TIAM1: variants seen among roughly 807,000 people sequenced by gnomAD.
TIAM1 encodes rho guanine nucleotide exchange factor TIAM1.
In TIAM1, 65 loss-of-function variants were observed where a neutral mutation model predicts 163.5. The observed-to-expected ratio is 0.40, with a 90% CI of 0.33 to 0.49. The LOEUF (loss-of-function observed/expected upper bound fraction) is 0.49. Among genes scored for constraint, TIAM1 ranks in the 20% least tolerant of loss-of-function variants. The pLI is 0.77. For synonymous variants in TIAM1, 833 were observed against 810.1 expected, an observed-to-expected ratio of 1.03 and a Z score of -0.48; for missense variants, 1,789 against 2,044.7, an observed-to-expected ratio of 0.87 and a Z score of 2.41.
At chr21:31,434,181 T>C (rs1427813510) in intron 2 of TIAM1, among the ~76,000 whole-genome samples, 1 of 152,132 alleles carries the variant, frequency 6.6e-6, no homozygotes, top group Non-Finnish European at 1.5e-5. Flanking sequence ...AACTTCTACA[T>C]CCAGCTAAGA....
chr21:31,481,386 G>A (rs1200191338), intron 1 of TIAM1, among the ~76,000 whole-genome samples: 1 of 152,046 alleles, frequency 6.6e-6, no homozygotes, highest in Non-Finnish European at 1.5e-5. Flanking sequence ...ACCAACCAAT[G>A]CTCCAACTCT....
chr21:31,244,078 C>T (rs984425764), intron 6 of TIAM1, among the ~76,000 whole-genome samples: 20 of 152,304 alleles, frequency 1.3e-4, no homozygotes, highest in South Asian at 1.0e-3. Flanking sequence ...TGATAGCTCA[C>T]TGAGCAGTAC....
chr21:31,153,029 T>A lies in TIAM1; in HGVS notation c.3240+37A>T, dbSNP rs759759391. On this transcript the variant is annotated intron_variant, in intron 18 of 27. Transcript: ENST00000541036. The stretch of plus-strand genomic sequence containing the variant: ...TCTTTACCAACAAGTCAAACCACGG[T>A]ATGATGGTCACAAAGTTGAAACCAT... 1.0e-5 allele frequency: 16 copies of A among 1,591,950 alleles called. No individual in the cohort carries two copies. In the African/African-American group the frequency reaches 1.9e-4, roughly 19 times the overall value.
intron 6 of TIAM1, among the ~76,000 whole-genome samples, chr21:31,242,293 G>A (rs1957168967): frequency 6.6e-6 from 1 of 152,122 alleles, no homozygotes; most frequent in African/African-American, 2.4e-5. Context: ...GCTGAGGCAG[G>A]AAGATCACTT....
chr21:31,385,059 C>G (rs9984908), intron 2 of TIAM1, among the ~76,000 whole-genome samples: 8 of 152,008 alleles, frequency 5.3e-5, no homozygotes, highest in Non-Finnish European at 1.0e-4. Context: ...TGGCTTCATG[C>G]TGTCTTTTTT....
intron 2 of TIAM1, among the ~76,000 whole-genome samples, chr21:31,330,763 G>T (rs1010526621): frequency 4.6e-5 from 7 of 152,156 alleles, no homozygotes; most frequent in African/African-American, 1.7e-4. Context: ...GAAATGCAAA[G>T]AATGACCTTA....
At chr21:31,239,773 CATGA>C (rs1182251460) in intron 6 of TIAM1, among the ~76,000 whole-genome samples, 1 of 151,998 alleles carries the variant, frequency 6.6e-6, no homozygotes, top group Non-Finnish European at 1.5e-5. Context: ...TCATTAAGCG[CATGA>C]ATATGTGCTC....
At chr21:31,226,670 T>C (rs757600966) in intron 6 of TIAM1, among the ~76,000 whole-genome samples, 3 of 152,206 alleles carry the variant, frequency 2.0e-5, no homozygotes, top group Non-Finnish European at 4.4e-5. Context: ...AGACAGCACA[T>C]GTGATAACTC....
At chr21:31,445,838 T>A (rs1310138736) in intron 2 of TIAM1, among the ~76,000 whole-genome samples, 3 of 152,136 alleles carry the variant, frequency 2.0e-5, no homozygotes, top group Non-Finnish European at 4.4e-5. Context: ...AAGGAGAGAT[T>A]GGGGTTTTGT....
intron 1 of TIAM1, among the ~76,000 whole-genome samples, chr21:31,505,202 T>G (rs1732294922): frequency 6.6e-6 from 1 of 152,152 alleles, no homozygotes; most frequent in Non-Finnish European, 1.5e-5. Flanking sequence ...AACCCTCAGT[T>G]TCCTCACCTA....
At chr21:31,344,693 CAG>C (rs1294586372), upstream of TIAM1, among the ~76,000 whole-genome samples, 2 of 152,146 alleles carry the variant, frequency 1.3e-5, no homozygotes, top group East Asian at 3.8e-4. Context: ...GGCAGAAAAA[CAG>C]AAACCAAACT....
At chr21:31,164,181 G>C (rs2084082891) in intron 16 of TIAM1, among the ~76,000 whole-genome samples, 1 of 152,160 alleles carries the variant, frequency 6.6e-6, no homozygotes, top group Non-Finnish European at 1.5e-5. Context: ...ACGAGGTCAG[G>C]AGATCGAGAC....
At chr21:31,151,417 T>C (rs192058156) in intron 19 of TIAM1, among the ~76,000 whole-genome samples, 1 of 152,324 alleles carries the variant, frequency 6.6e-6, no homozygotes, top group Admixed American at 6.5e-5. Flanking sequence ...CACAGCAATA[T>C]GGACGGATCT....
At chr21:31,276,555 C>A (rs1440461984) in intron 3 of TIAM1, among the ~76,000 whole-genome samples, 177 bp downstream of exon 3, 3 of 152,166 alleles carry the variant, frequency 2.0e-5, no homozygotes, top group Non-Finnish European at 1.5e-5. Context: ...TGTTTTAACG[C>A]TAATGCTTTC....
At position 31,210,588 on chromosome 21, in the gene TIAM1, AAGAAAG is replaced by A. The variant is rs1268292452; in HGVS notation, c.2218-379_2218-374del. ...AAAGAAAGAAAGAAAGAAAGAAAGA[AAGAAAG>A]AGAGAAAGAAGGAAGGAAGGGAGAA... On this transcript the variant is annotated intron_variant, in intron 10 of 27. Transcript: ENST00000541036. 2.3e-3 allele frequency among the ~76,000 whole-genome samples: 262 copies of A among 114,162 alleles called. 2 individuals carry two copies. Among genetic ancestry groups the A allele is most frequent in the African/African-American group, 0.011 (233 of 21,144 alleles). The allele number at this position is 114,162 out of a possible 152,430, so 74.9% of individuals were successfully genotyped here. A position where few individuals can be genotyped will look rare whatever the true frequency, so the allele number is the denominator to read the frequency against.
chr21:31,242,902 A>G (rs1426019988), intron 6 of TIAM1, among the ~76,000 whole-genome samples: 1 of 150,550 alleles, frequency 6.6e-6, no homozygotes, highest in Non-Finnish European at 1.5e-5. Context: ...GAAAAGAAAA[A>G]ATGACCAGGT....
chr21:31,434,858 T>G (rs1158492294), intron 2 of TIAM1, among the ~76,000 whole-genome samples: 3 of 152,198 alleles, frequency 2.0e-5, no homozygotes, highest in Admixed American at 2.0e-4. Context: ...CCACGGAGAC[T>G]TTTGCCAACA....
intron 2 of TIAM1, among the ~76,000 whole-genome samples, chr21:31,438,911 A>G (rs2044318541): frequency 6.6e-6 from 1 of 152,228 alleles, no homozygotes; most frequent in African/African-American, 2.4e-5. Context: ...TATCTCCTAG[A>G]AGGCAGTTTC....
At chr21:31,196,478 A>ATTTTATT (rs2085864612) in intron 12 of TIAM1, among the ~76,000 whole-genome samples, 1 of 133,090 alleles carries the variant, frequency 7.5e-6, no homozygotes, top group East Asian at 2.2e-4. Context: ...CATCTGGCTA[A>ATTTTATT]TTTTTTTTTT....
Sources: gnomAD v4.1 joint callset for allele counts (sites outside exome capture counted in the v4.1 genomes callset) on GRCh38, gnomAD v4.1.1 for gene constraint, MANE v1.5 for transcripts, NCBI Gene and HGNC (gene_info 2026-07-23, HGNC 2026-07-21) for gene names.